CEP131: variants seen among roughly 807,000 people sequenced by gnomAD.
CEP131 encodes centrosomal protein of 131 kDa.
In CEP131, 99 loss-of-function variants were observed where a neutral mutation model predicts 136.8. The observed-to-expected ratio is 0.72, with a 90% CI of 0.62 to 0.86. CEP131 has a LOEUF of 0.86. Ranked by LOEUF, CEP131 falls within the 40% of genes least tolerant of loss-of-function variation. The pLI is 0.00. For synonymous variants in CEP131, 646 were observed against 612.7 expected, an observed-to-expected ratio of 1.05 and a Z score of -0.80; for missense variants, 1,459 against 1,463.0, an observed-to-expected ratio of 1.00 and a Z score of 0.04.
chr17:81,196,467 C>T (rs8072143), intron 15 of CEP131, among the ~76,000 whole-genome samples: 4,898 of 152,300 alleles, frequency 0.032, 264 homozygotes, highest in African/African-American at 0.11. Flanking sequence ...GCTGAGGGGC[C>T]GGCAGGACAC....
rs1415355447 is a variant in CEP131 at position 81,191,351 on chromosome 17, C to T, written c.2623-16G>A. On this transcript the variant is annotated splice_polypyrimidine_tract_variant and intron_variant, in intron 21 of 25. Transcript: ENST00000450824. ...GCCACGCCTCCTGGGGGGACATGCG[C>T]TGCCTGGGGGTTGCCACCCGGAGCC... 4 of 1,612,188 alleles carry T rather than the reference C, an allele frequency of 2.5e-6. No homozygotes were observed. Among genetic ancestry groups the T allele is most frequent in the Non-Finnish European group, 3.4e-6 (4 of 1,179,574 alleles).
intron 17 of CEP131, 54 bp downstream of exon 17, chr17:81,194,816 C>A: frequency 1.4e-6 from 2 of 1,444,810 alleles, no homozygotes; most frequent in Non-Finnish European, 1.9e-6. Flanking sequence ...AAAAGAAGCC[C>A]TGGCCGCAGC....
In CEP131 at chr17:81,192,742, G is replaced by C; in HGVS notation, c.2423C>G (p.Ala808Gly). The C allele has an allele frequency of 6.3e-7, 1 of 1,576,806 alleles. No homozygotes were observed. The highest frequency in any genetic ancestry group is 8.6e-7 in the Non-Finnish European group (1 of 1,161,860). ...AEERERLGQQAARQRAELEEL... is the reference protein window; with the variant it reads ...AEERERLGQQGARQRAELEEL... ...TGGTGCCCCCGGGCGGCACCTGGCTGCCTGCTGGCCCAGCCGCTCCCTCTC... is the reference window on the plus strand; with the variant it reads ...TGGTGCCCCCGGGCGGCACCTGGCTCCCTGCTGGCCCAGCCGCTCCCTCTC... The change falls in exon 19 of 26, where the codon GCA (alanine) becomes GGA (glycine). Residue 808 changes from alanine (A) to glycine (G), a missense_variant. Coordinates refer to ENST00000450824, the MANE Select transcript of CEP131 (RefSeq NM_014984.4).
intron 5 of CEP131, among the ~76,000 whole-genome samples, chr17:81,205,625 G>A (rs746078251): frequency 1.3e-5 from 2 of 152,046 alleles, no homozygotes; most frequent in African/African-American, 4.8e-5. Context: ...GACCAGGTGT[G>A]GGGGCTCAAA....
At chr17:81,217,728 G>A (rs1018796137) in intron 2 of CEP131, among the ~76,000 whole-genome samples, 1 of 152,134 alleles carries the variant, frequency 6.6e-6, no homozygotes, top group African/African-American at 2.4e-5. Flanking sequence ...ATGAACGAGG[G>A]GACTGTTAGC....
intron 12 of CEP131, 92 bp from the exon 13 acceptor site, chr17:81,197,980 T>C: frequency 1.3e-6 from 2 of 1,527,030 alleles, no homozygotes; most frequent in African/African-American, 1.4e-5. Flanking sequence ...GGCTGGGCTC[T>C]GGGAGGGAGG....
chr17:81,201,657 C>T (rs1284222925), intron 7 of CEP131, among the ~76,000 whole-genome samples: 1 of 152,226 alleles, frequency 6.6e-6, no homozygotes, highest in Non-Finnish European at 1.5e-5. Flanking sequence ...GTGTGACCAT[C>T]AGCACAGTGC....
In CEP131 at chr17:81,196,158, C is replaced by T. The variant is rs769333238; in HGVS notation, c.1900-207G>A. Among the ~76,000 whole-genome samples the T allele has an allele frequency of 3.9e-5, 6 of 152,318 alleles. No homozygotes were observed. The South Asian group carries it at 1.2e-3, about 32-fold the overall frequency. ...AGGCCTGCATCCGCCGTCCTGTCCT[C>T]AGCTGGGGGACCCGGCGAATGTCAG... On this transcript the variant is annotated intron_variant, in intron 15 of 25. Transcript: ENST00000450824.
intron 11 of CEP131, 95 bp from the exon 12 acceptor site, chr17:81,198,392 C>T (rs1457824233): frequency 9.2e-6 from 12 of 1,297,520 alleles, no homozygotes; most frequent in Non-Finnish European, 1.0e-5. Flanking sequence ...AAAGGCGCCG[C>T]GGGAGCTCCC....
In CEP131 at chr17:81,206,817, G is replaced by C. The variant is rs770947504; in HGVS notation, c.442C>G (p.Leu148Val). Reference sequence around the variant, plus strand: ...CTCCGCGGGCCCGCTGGTGAGTCAAGGGCACTGGAACTCCGGGCATTGGAT... The same window carrying C: ...CTCCGCGGGCCCGCTGGTGAGTCAACGGCACTGGAACTCCGGGCATTGGAT... ...LPSNARSSSA[L>V]DSPAGPRRKE... The change falls in exon 5 of 26, where the codon CTT (leucine) becomes GTT (valine). Residue 148 changes from leucine (L) to valine (V), a missense_variant. Leu to Val is a conservative substitution (Grantham distance 32). Coordinates refer to ENST00000450824, the MANE Select transcript of CEP131 (RefSeq NM_014984.4). 2 of 1,614,108 alleles carry C rather than the reference G, an allele frequency of 1.2e-6. No individual in the cohort carries two copies. The highest frequency in any genetic ancestry group is 2.2e-5 in the South Asian group (2 of 91,088).
chr17:81,202,504 T>A, intron 6 of CEP131, 106 bp from the exon 7 acceptor site: 1 of 1,376,164 alleles, frequency 7.3e-7, no homozygotes, highest in Non-Finnish European at 9.8e-7. Flanking sequence ...AGCCTGGAAG[T>A]GGTGCTGGCA....
chr17:81,202,422 C>A, intron 6 of CEP131, 24 bp from the exon 7 acceptor site: 1 of 1,607,292 alleles, frequency 6.2e-7, no homozygotes, highest in Non-Finnish European at 8.5e-7. Context: ...AGAAAACACC[C>A]TCGTCTCACC....
At chr17:81,200,504 C>A in intron 7 of CEP131, 58 bp from the exon 8 acceptor site, 11 of 1,320,884 alleles carry the variant, frequency 8.3e-6, no homozygotes, top group Admixed American at 2.3e-5. Context: ...CAGGACCCAG[C>A]TGGCTGCTGG....
chr17:81,206,748 T>C lies in CEP131; in HGVS notation c.511A>G (p.Asn171Asp). 1.2e-6 allele frequency: 2 copies of C among 1,613,160 alleles called. No homozygotes were observed. Among genetic ancestry groups the C allele is most frequent in the Non-Finnish European group, 1.7e-6 (2 of 1,179,488 alleles). ...VALAPNFTAN[N>D]RSNKGAVGNC... ...GGGCACCTGCACAGGTCGTACCTGTTGTTAGCAGTGAAGTTGGGGGCCAGG... is the reference window on the plus strand; with the variant it reads ...GGGCACCTGCACAGGTCGTACCTGTCGTTAGCAGTGAAGTTGGGGGCCAGG... Residue 171 changes from asparagine (N) to aspartate (D), a missense_variant, in exon 5 of 26, where the codon AAC (asparagine) becomes GAC (aspartate). This residue lies in a region of CEP131 where 246 missense variants were observed against 318.9 expected (regional missense o/e 0.77). Coordinates refer to ENST00000450824, the MANE Select transcript of CEP131 (RefSeq NM_014984.4).
intron 1 of CEP131, among the ~76,000 whole-genome samples, chr17:81,220,398 C>A (rs2062360720): frequency 6.6e-6 from 1 of 152,206 alleles, no homozygotes. Context: ...TCGATGTGAG[C>A]CAGGTTCTGC....
At position 81,208,034 on chromosome 17, in the gene CEP131, C is replaced by A. The variant is rs560136938; in HGVS notation, c.273-795G>T. On this transcript the variant is annotated intron_variant, in intron 3 of 25. Transcript: ENST00000450824. This position sits in a 1 kb window ranked among gnomAD's most constrained non-coding sequence, Gnocchi z 5.6. Reference sequence around the variant, plus strand: ...ACCACTCACACCACACACCCACACACCACACACCCCCCACACACACCACAC... The same window carrying A: ...ACCACTCACACCACACACCCACACAACACACACCCCCCACACACACCACAC... Among the ~76,000 whole-genome samples, 53 of 77,690 alleles carry A rather than the reference C, an allele frequency of 6.8e-4. No individual in the cohort carries two copies. The highest frequency in any genetic ancestry group is 2.5e-3 in the African/African-American group (53 of 21,598). 51.0% of individuals were successfully genotyped at this position (77,690 alleles called of 152,430 possible).
intron 1 of CEP131, among the ~76,000 whole-genome samples, 186 bp from the exon 2 acceptor site, chr17:81,220,259 T>G (rs1193202116): frequency 6.6e-6 from 1 of 152,168 alleles, no homozygotes; most frequent in East Asian, 1.9e-4. Flanking sequence ...GGAGCTGTTC[T>G]GAGCCCAATG....
intron 2 of CEP131, among the ~76,000 whole-genome samples, chr17:81,214,500 G>A (rs1217193198): frequency 6.6e-6 from 1 of 151,968 alleles, no homozygotes. Context: ...AGATTGCGGT[G>A]AGGTGAAATC....
Position 81,203,689 on chromosome 17 carries a change from G to T in CEP131, c.516-82C>A. Reference sequence around the variant, plus strand: ...TCTCAGAGCTACACTCGCAGCACGGGCTGGGAGGGAACAAAGGCCTTCAGT... The same window carrying T: ...TCTCAGAGCTACACTCGCAGCACGGTCTGGGAGGGAACAAAGGCCTTCAGT... On this transcript the variant is annotated intron_variant, in intron 5 of 25. Coordinates refer to ENST00000450824, the MANE Select transcript of CEP131 (RefSeq NM_014984.4). The surrounding 1 kb of genome is among the most constrained non-coding windows in gnomAD (Gnocchi z 4.6). The T allele has an allele frequency of 1.8e-6, 2 of 1,137,914 alleles. No homozygotes were observed. The highest frequency in any genetic ancestry group is 2.5e-6 in the Non-Finnish European group (2 of 792,884). 70.5% of individuals were successfully genotyped at this position (1,137,914 alleles called of 1,614,324 possible). A position where few individuals can be genotyped will look rare whatever the true frequency, so the allele number is the denominator to read the frequency against.
Sources: gnomAD v4.1 joint callset for allele counts (sites outside exome capture counted in the v4.1 genomes callset) on GRCh38, gnomAD v4.1.1 for gene constraint, gnomAD v4.1.1 regional missense constraint, Gnocchi (gnomAD v3.1) non-coding constraint, MANE v1.5 for transcripts, NCBI Gene and HGNC (gene_info 2026-07-23, HGNC 2026-07-21) for gene names.